ZNF678: variants seen among roughly 807,000 people sequenced by gnomAD.
ZNF678 encodes zinc finger protein 678, also known as hypothetical protein MGC42493.
In ZNF678, 5 loss-of-function variants were observed where a neutral mutation model predicts 3.0. The observed-to-expected ratio is 1.69, with a 90% CI of 0.88 to 3.56. The LOEUF is 3.56. ZNF678 is among the 30% of genes most tolerant of loss of function. The pLI, the probability that ZNF678 is intolerant of heterozygous loss-of-function variation, is 0.00. For synonymous variants in ZNF678, 218 were observed against 199.6 expected (o/e 1.09, Z -0.78); for missense variants, 593 against 605.0 (o/e 0.98, Z 0.21).
At chr1:227,595,511 T>G (rs1357799400) in intron 1 of ZNF678, among the ~76,000 whole-genome samples, 1 of 152,300 alleles carries the variant, frequency 6.6e-6, no homozygotes, top group East Asian at 1.9e-4. Flanking sequence ...TTTCCTGGTG[T>G]CATAGTACTC....
chr1:227,576,610 A>G (rs1372487263), intron 1 of ZNF678, among the ~76,000 whole-genome samples: 1 of 152,062 alleles, frequency 6.6e-6, no homozygotes, highest in Non-Finnish European at 1.5e-5. Flanking sequence ...GTTTTCTATT[A>G]TATTTATTTG....
intron 5 of ZNF678, among the ~76,000 whole-genome samples, chr1:227,675,078 A>G (rs140308482): frequency 4.3e-4 from 65 of 152,330 alleles, no homozygotes; most frequent in African/African-American, 1.4e-3. Flanking sequence ...GTATTTCCCT[A>G]AAATTTACAT....
At chr1:227,567,410 G>C (rs1233148856) in intron 1 of ZNF678, among the ~76,000 whole-genome samples, 1 of 152,152 alleles carries the variant, frequency 6.6e-6, no homozygotes, top group African/African-American at 2.4e-5. Flanking sequence ...GGCCAATCTT[G>C]AGCCTGCAAA....
intron 1 of ZNF678, among the ~76,000 whole-genome samples, chr1:227,606,309 C>T (rs1436106133): frequency 2.0e-5 from 3 of 152,170 alleles, no homozygotes; most frequent in Non-Finnish European, 4.4e-5. Context: ...AAGGAATCTG[C>T]ATCATAAATA....
intron 1 of ZNF678, among the ~76,000 whole-genome samples, chr1:227,623,339 C>A (rs917985876): frequency 6.6e-6 from 1 of 152,176 alleles, no homozygotes; most frequent in Non-Finnish European, 1.5e-5. Context: ...TTAAGGTGAC[C>A]TTGGGCAAGT....
chr1:227,630,377 G>A (rs1658519981), intron 1 of ZNF678, among the ~76,000 whole-genome samples: 1 of 152,338 alleles, frequency 6.6e-6, no homozygotes, highest in East Asian at 1.9e-4. Context: ...CTGCTGGCCT[G>A]TGGGGGAATT....
intron 1 of ZNF678, among the ~76,000 whole-genome samples, chr1:227,571,356 A>G (rs947895587): frequency 6.6e-6 from 1 of 152,194 alleles, no homozygotes; most frequent in Admixed American, 6.5e-5. Context: ...ACAAGATTTT[A>G]TGGGTAAATG....
chr1:227,570,420 T>C (rs1656808677), intron 1 of ZNF678, among the ~76,000 whole-genome samples: 2 of 152,242 alleles, frequency 1.3e-5, no homozygotes, highest in Non-Finnish European at 2.9e-5. Flanking sequence ...AACTTACAGA[T>C]TGCTTTGGAT....
intron 1 of ZNF678, among the ~76,000 whole-genome samples, chr1:227,568,015 G>T (rs1439405528): frequency 1.3e-5 from 2 of 152,158 alleles, no homozygotes; most frequent in Non-Finnish European, 2.9e-5. Flanking sequence ...TTAGATCCTA[G>T]ATCAGAGAAT....
At chr1:227,662,800 A>T (rs2102816220), downstream of ZNF678, among the ~76,000 whole-genome samples, 1 of 152,312 alleles carries the variant, frequency 6.6e-6, no homozygotes, top group East Asian at 1.9e-4. Flanking sequence ...TTGGAAAGTA[A>T]TCTGGCTATA....
chr1:227,626,620 G>A (rs572926324), intron 1 of ZNF678, among the ~76,000 whole-genome samples: 1 of 152,230 alleles, frequency 6.6e-6, no homozygotes, highest in Admixed American at 6.5e-5. Context: ...ATTTCGTATG[G>A]GCTGAGTCCC....
At chr1:227,674,447 C>A (rs1477210971) in intron 5 of ZNF678, among the ~76,000 whole-genome samples, 4 of 151,926 alleles carry the variant, frequency 2.6e-5, no homozygotes, top group Non-Finnish European at 5.9e-5. Context: ...AGCTGGAAAG[C>A]AAATAGTATA....
chr1:227,567,787 A>G (rs568880819), intron 1 of ZNF678, among the ~76,000 whole-genome samples: 5 of 148,888 alleles, frequency 3.4e-5, no homozygotes, highest in Non-Finnish European at 7.4e-5. Context: ...AATTATTATT[A>G]TACTTTAAGT....
In ZNF678 at chr1:227,654,838, A is replaced by G. The variant is rs772588904; in HGVS notation, c.588A>G (p.Leu196=). 8.7e-6 allele frequency: 14 copies of G among 1,607,162 alleles called. No individual in the cohort carries two copies. Among genetic ancestry groups the G allele is most frequent in the Non-Finnish European group, 1.2e-5 (14 of 1,178,844 alleles). ...AAGTTTTTAATTGGTGGTCACAACT[A>G]ACTAGCCATAAGAAAATTCATAGTG... ...CDKVFNWWSQ[L]TSHKKIHSGE... is the part of the protein sequence containing the mutation. The change falls in exon 4 of 4, where the codon CTA becomes CTG. Residue 196 remains leucine (L), a synonymous_variant. Transcript: ENST00000343776.
chr1:227,632,981 C>T (rs937604853), intron 1 of ZNF678, among the ~76,000 whole-genome samples: 4 of 152,172 alleles, frequency 2.6e-5, no homozygotes, highest in East Asian at 1.9e-4. Flanking sequence ...AGAAGAGAAC[C>T]GTGGAACCCA....
chr1:227,565,046 C>T (rs929422733), intron 1 of ZNF678, among the ~76,000 whole-genome samples: 2 of 139,910 alleles, frequency 1.4e-5, no homozygotes, highest in Non-Finnish European at 3.1e-5. Flanking sequence ...TGTTTTTTCC[C>T]TACCCGGCTT....
chr1:227,570,375 A>G (rs946091064), intron 1 of ZNF678, among the ~76,000 whole-genome samples: 2 of 152,216 alleles, frequency 1.3e-5, no homozygotes, highest in African/African-American at 4.8e-5. Flanking sequence ...GTTACTATGA[A>G]AAGTGGCACA....
At chr1:227,584,078 C>T (rs932679929) in intron 1 of ZNF678, among the ~76,000 whole-genome samples, 8 of 152,310 alleles carry the variant, frequency 5.3e-5, no homozygotes, top group Admixed American at 5.2e-4. Context: ...AGTCTAGAGC[C>T]AGTTCTGAAG....
At chr1:227,645,921 C>T (rs1658945106) in intron 1 of ZNF678, among the ~76,000 whole-genome samples, 4 of 152,214 alleles carry the variant, frequency 2.6e-5, no homozygotes, top group Admixed American at 2.6e-4. Flanking sequence ...GATTTAATAA[C>T]TGATGGGCAT....
Sources: allele counts gnomAD v4.1 joint callset (sites outside exome capture counted in the v4.1 genomes callset), GRCh38; gene constraint gnomAD v4.1.1; transcripts MANE v1.5; gene names NCBI Gene and HGNC (gene_info 2026-07-23, HGNC 2026-07-21).